The following ESRRG variants were observed in gnomAD, a reference collection of about 807,000 sequenced individuals.
The protein encoded by ESRRG is estrogen-related receptor gamma.
Under a neutral mutation model 44.0 loss-of-function variants are expected in ESRRG, and 13 were observed. That is an observed-to-expected ratio of 0.30 (90% CI 0.19 to 0.47). The LOEUF (loss-of-function observed/expected upper bound fraction) is 0.47. Ranked by LOEUF, ESRRG falls within the 20% of genes least tolerant of loss-of-function variation. The pLI, the probability that ESRRG is intolerant of heterozygous loss-of-function variation, is 1.00. For synonymous variants in ESRRG, 215 were observed against 214.6 expected (o/e 1.00, Z -0.02); for missense variants, 395 against 580.6 (o/e 0.68, Z 3.29).
chr1:217,118,521 C>T (rs1224807908), intron 1 of ESRRG, among the ~76,000 whole-genome samples: 1 of 152,166 alleles, frequency 6.6e-6, no homozygotes, highest in Non-Finnish European at 1.5e-5. Flanking sequence ...ACTGTGGGTT[C>T]ATTCAAGTAA....
intron 1 of ESRRG, among the ~76,000 whole-genome samples, chr1:217,095,002 T>A (rs1193580943): frequency 6.6e-6 from 1 of 151,864 alleles, no homozygotes; most frequent in Non-Finnish European, 1.5e-5. Flanking sequence ...AAGAAACTCT[T>A]GAAGTTGTAG....
chr1:217,089,000 G>T (rs1258139333), intron 1 of ESRRG, among the ~76,000 whole-genome samples: 2 of 152,068 alleles, frequency 1.3e-5, no homozygotes, highest in Non-Finnish European at 2.9e-5. Flanking sequence ...CAGCGTAGAG[G>T]ACAGGAGGGA....
chr1:216,788,064 C>A (rs370354922), intron 2 of ESRRG, among the ~76,000 whole-genome samples: 6 of 152,094 alleles, frequency 3.9e-5, no homozygotes, highest in African/African-American at 1.4e-4. Flanking sequence ...GAAGTCATCA[C>A]CATAATATAA....
chr1:216,626,612 C>T (rs2063231358), intron 3 of ESRRG, among the ~76,000 whole-genome samples: 1 of 152,226 alleles, frequency 6.6e-6, no homozygotes, highest in Non-Finnish European at 1.5e-5. Context: ...GTCAGAGATG[C>T]CTGTCCCTGT....
At chr1:216,858,281 A>G (rs2095987266) in intron 2 of ESRRG, among the ~76,000 whole-genome samples, 1 of 151,648 alleles carries the variant, frequency 6.6e-6, no homozygotes, top group African/African-American at 2.4e-5. Flanking sequence ...ACTAAAAAAA[A>G]AAAAAATTAG....
At chr1:216,625,962 CTCTG>C (rs1159944772) in intron 3 of ESRRG, among the ~76,000 whole-genome samples, 1 of 152,114 alleles carries the variant, frequency 6.6e-6, no homozygotes, top group Non-Finnish European at 1.5e-5. Context: ...CTCTCACTCC[CTCTG>C]TCTGTTTTTC....
At chr1:216,697,134 T>G (rs2080331181) in intron 1 of ESRRG, among the ~76,000 whole-genome samples, 1 of 151,884 alleles carries the variant, frequency 6.6e-6, no homozygotes, top group Non-Finnish European at 1.5e-5. Context: ...CCTGGCTAAT[T>G]TTTGTATTTT....
chr1:216,696,982 T>G (rs1213228540), intron 1 of ESRRG, among the ~76,000 whole-genome samples: 1 of 152,100 alleles, frequency 6.6e-6, no homozygotes, highest in Non-Finnish European at 1.5e-5. Flanking sequence ...TTTTTTTTTT[T>G]TGAGACAGAG....
rs1037580285 is a variant in ESRRG at position 216,543,565 on chromosome 1, C to A, written c.862+20654G>T. On this transcript the variant is annotated intron_variant, in intron 5 of 6. Coordinates refer to ENST00000408911, the MANE Select transcript of ESRRG (RefSeq NM_001438.4). Reference sequence around the variant, plus strand: ...TAATTGTTGCCTCTTAGAGGCTTACCACTAAATTTTGGATTACAAATACAT... The same window carrying A: ...TAATTGTTGCCTCTTAGAGGCTTACAACTAAATTTTGGATTACAAATACAT... Among the ~76,000 whole-genome samples the A allele has an allele frequency of 2.6e-5, 4 of 151,868 alleles. 1 individual carries two copies. Among genetic ancestry groups the A allele is most frequent in the Non-Finnish European group, 5.9e-5 (4 of 67,930 alleles).
At chr1:216,997,225 C>T (rs1334226666) in intron 1 of ESRRG, among the ~76,000 whole-genome samples, 7 of 152,162 alleles carry the variant, frequency 4.6e-5, no homozygotes, top group African/African-American at 9.7e-5. Flanking sequence ...CTCCCAGTCC[C>T]ATTAAAGTCA....
chr1:216,805,814 CTGTT>C (rs996981711), intron 2 of ESRRG, among the ~76,000 whole-genome samples: 4 of 151,428 alleles, frequency 2.6e-5, no homozygotes, highest in Non-Finnish European at 5.9e-5. Flanking sequence ...TTGTTTCAGT[CTGTT>C]TGTCAAGGCA....
intron 1 of ESRRG, among the ~76,000 whole-genome samples, chr1:216,692,376 T>TA (rs1180227399): frequency 5.9e-4 from 85 of 143,372 alleles, no homozygotes; most frequent in African/African-American, 1.4e-3. Context: ...GTTTAACAAG[T>TA]AAAAAAAAAA....
intron 1 of ESRRG, among the ~76,000 whole-genome samples, chr1:217,028,141 C>T (rs1454143930): frequency 1.3e-5 from 2 of 152,138 alleles, no homozygotes; most frequent in East Asian, 3.9e-4. Context: ...AGTGCATGTA[C>T]ATTCTCATTA....
At chr1:217,069,491 T>C (rs1004043427) in intron 1 of ESRRG, among the ~76,000 whole-genome samples, 3 of 151,810 alleles carry the variant, frequency 2.0e-5, no homozygotes, top group Non-Finnish European at 4.4e-5. Context: ...AGAACCCTAA[T>C]ACAATAATTA....
At chr1:217,078,680 G>C (rs10495040) in intron 1 of ESRRG, among the ~76,000 whole-genome samples, 22,411 of 152,146 alleles carry the variant, frequency 0.15, 2,123 homozygotes, top group Admixed American at 0.22. Flanking sequence ...CTGACCTACA[G>C]TGTACTATAT....
At chr1:216,863,272 A>G (rs2096084825) in intron 2 of ESRRG, 1 of 146,732 alleles carries the variant, frequency 6.8e-6, no homozygotes, top group Non-Finnish European at 1.5e-5. Flanking sequence ...TGAGAATAGG[A>G]CAATGTAGAA....
intron 2 of ESRRG, among the ~76,000 whole-genome samples, chr1:216,885,823 G>A (rs2096508281): frequency 6.6e-6 from 1 of 151,386 alleles, no homozygotes; most frequent in South Asian, 2.1e-4. Context: ...TCTCCATGTG[G>A]CCCTCCTCCC....
chr1:216,507,866 A>G (rs896712601), intron 6 of ESRRG, among the ~76,000 whole-genome samples: 5 of 152,226 alleles, frequency 3.3e-5, no homozygotes, highest in African/African-American at 1.2e-4. Context: ...TTGCCCTTAA[A>G]TGAATAATTT....
rs112818235 is a variant in ESRRG at position 216,687,747 on chromosome 1, T to C, written c.57-10256A>G. Among the ~76,000 whole-genome samples the C allele has an allele frequency of 4.0e-3, 604 of 152,340 alleles. 1 individual carries two copies. The highest frequency in any genetic ancestry group is 6.2e-3 in the Non-Finnish European group (423 of 68,032). On this transcript the variant is annotated intron_variant, in intron 1 of 6. Coordinates refer to ENST00000408911, the MANE Select transcript of ESRRG (RefSeq NM_001438.4). ...CTGCCACATTGTGGCCGTGTCTTTT[T>C]ACATGGTGGGGTTTATTTTAGCCAA...
Sources: allele counts gnomAD v4.1 joint callset (sites outside exome capture counted in the v4.1 genomes callset), GRCh38; gene constraint gnomAD v4.1.1; transcripts MANE v1.5; gene names NCBI Gene and HGNC (gene_info 2026-07-23, HGNC 2026-07-21).